GSK3B: variants seen among roughly 807,000 people sequenced by gnomAD.
GSK3B encodes the protein glycogen synthase kinase-3 beta.
A neutral mutation model predicts 56.4 loss-of-function variants in GSK3B; 15 were observed. The observed-to-expected ratio is 0.27, with a 90% CI of 0.18 to 0.41. The LOEUF (loss-of-function observed/expected upper bound fraction) is 0.41. Ranked by LOEUF, GSK3B falls within the 10% of genes least tolerant of loss-of-function variation. The pLI is 1.00. For synonymous variants in GSK3B, 181 were observed against 188.9 expected, an observed-to-expected ratio of 0.96 and a Z score of 0.34; for missense variants, 300 against 513.4, an observed-to-expected ratio of 0.58 and a Z score of 4.02.
rs186255312 is a variant in GSK3B at position 119,879,940 on chromosome 3, A to G, written c.814-3432T>C. 5.0e-4 allele frequency among the ~76,000 whole-genome samples: 76 copies of G among 152,294 alleles called. 1 individual carries two copies. In the East Asian group the frequency reaches 0.011, roughly 22 times the overall value. On this transcript the variant is annotated intron_variant, in intron 7 of 10. Coordinates refer to ENST00000264235, the MANE Select transcript of GSK3B (RefSeq NM_001146156.2). ...TGCTGCAATAAACATAGGAGTGCAG[A>G]TACCTGTTCAATATACTGATTTCCT...
intron 1 of GSK3B, among the ~76,000 whole-genome samples, chr3:120,057,025 G>A (rs1409799304): frequency 6.6e-6 from 1 of 152,032 alleles, no homozygotes; most frequent in African/African-American, 2.4e-5. Context: ...CATGCCTGTG[G>A]TCCCAGCTAC....
chr3:119,890,816 T>C (rs751187074), intron 7 of GSK3B, among the ~76,000 whole-genome samples: 1 of 151,412 alleles, frequency 6.6e-6, no homozygotes, highest in Non-Finnish European at 1.5e-5. Context: ...AGTTTAACCT[T>C]CTTAAATTGC....
chr3:119,947,131 C>T, intron 3 of GSK3B, 137 bp downstream of exon 3: 1 of 607,292 alleles, frequency 1.6e-6, no homozygotes, highest in Non-Finnish European at 2.9e-6. Flanking sequence ...ATACCTTGGG[C>T]TGAGTATTGC....
intron 1 of GSK3B, among the ~76,000 whole-genome samples, chr3:120,006,984 GA>G (rs2057734873): frequency 6.6e-6 from 1 of 151,942 alleles, no homozygotes; most frequent in Admixed American, 6.6e-5. Context: ...TCCAGGAGCT[GA>G]TTTTTTGAAA....
At chr3:120,031,197 TGAAATATTTCTA>T (rs2107521683) in intron 1 of GSK3B, among the ~76,000 whole-genome samples, 1 of 152,354 alleles carries the variant, frequency 6.6e-6, no homozygotes, top group Admixed American at 6.5e-5. Flanking sequence ...CAACACTTCT[TGAAATATTTCTA>T]AAACACATTC....
chr3:119,887,476 T>G (rs1221846586), intron 7 of GSK3B, among the ~76,000 whole-genome samples: 26 of 151,984 alleles, frequency 1.7e-4, no homozygotes, highest in Non-Finnish European at 4.4e-5. Context: ...AAATGGAAAT[T>G]GTACAGTTAA....
At chr3:119,924,334 G>A (rs7620750) in intron 3 of GSK3B, among the ~76,000 whole-genome samples, 43,506 of 152,130 alleles carry the variant, frequency 0.29, 8,003 homozygotes, top group African/African-American at 0.53. Flanking sequence ...TCAAGCATAG[G>A]CTTGGCTACT....
intron 2 of GSK3B, among the ~76,000 whole-genome samples, chr3:119,958,534 T>A (rs1203269677): frequency 1.3e-5 from 2 of 151,864 alleles, no homozygotes; most frequent in East Asian, 1.9e-4. Flanking sequence ...ATAAATTAGC[T>A]GGGCATGGTG....
chr3:119,931,530 C>T (rs2056945731), intron 3 of GSK3B, among the ~76,000 whole-genome samples: 1 of 152,018 alleles, frequency 6.6e-6, no homozygotes, highest in East Asian at 1.9e-4. Flanking sequence ...GCATGAGAAT[C>T]GCTTCAACCC....
intron 3 of GSK3B, among the ~76,000 whole-genome samples, chr3:119,941,750 T>C (rs2057051831): frequency 1.3e-5 from 2 of 152,234 alleles, no homozygotes; most frequent in Admixed American, 1.3e-4. Flanking sequence ...AATGAGCACG[T>C]GATAACCTTA....
At chr3:119,987,554 A>G (rs2057527871) in intron 2 of GSK3B, among the ~76,000 whole-genome samples, 1 of 152,218 alleles carries the variant, frequency 6.6e-6, no homozygotes, top group African/African-American at 2.4e-5. Flanking sequence ...TGGTAAAGTT[A>G]AAGGGGTATC....
intron 1 of GSK3B, among the ~76,000 whole-genome samples, chr3:120,091,888 T>C (rs2058515771): frequency 6.6e-6 from 1 of 152,204 alleles, no homozygotes; most frequent in African/African-American, 2.4e-5. Context: ...CTACCCTGTT[T>C]CAGGCTAGTT....
chr3:120,020,367 T>G (rs1298260636), intron 1 of GSK3B, among the ~76,000 whole-genome samples: 1 of 152,188 alleles, frequency 6.6e-6, no homozygotes, highest in Non-Finnish European at 1.5e-5. Context: ...AGAAATTATG[T>G]TTTTTTACAA....
chr3:120,085,886 T>A (rs977778857), intron 1 of GSK3B, among the ~76,000 whole-genome samples: 8 of 152,150 alleles, frequency 5.3e-5, no homozygotes, highest in Admixed American at 5.2e-4. Context: ...ATACCTTTCC[T>A]TGGAAAAAAA....
chr3:120,086,775 T>C (rs1048811144), intron 1 of GSK3B, among the ~76,000 whole-genome samples: 5 of 151,016 alleles, frequency 3.3e-5, no homozygotes, highest in Admixed American at 6.6e-5. Context: ...AGGCTAGGCA[T>C]AGGCAACACA....
In GSK3B at chr3:119,834,092, C is replaced by T. The variant is rs559965630; in HGVS notation, c.1196-7237G>A. ...TTACGTGTTTCTACTTATCAGGTAT[C>T]CTCTTTCTATAATAGTTAGAAATGT... On this transcript the variant is annotated intron_variant, in intron 10 of 10. Transcript: ENST00000264235. 1.2e-4 allele frequency among the ~76,000 whole-genome samples: 18 copies of T among 152,212 alleles called. No homozygotes were observed. The South Asian group carries it at 3.7e-3, about 32-fold the overall frequency.
chr3:120,016,318 C>G (rs2057826929), intron 1 of GSK3B, among the ~76,000 whole-genome samples: 1 of 152,172 alleles, frequency 6.6e-6, no homozygotes, highest in Non-Finnish European at 1.5e-5. Context: ...GTCCAGCTAC[C>G]ACACTTGAAG....
chr3:119,862,228 C>T (rs1400813337), intron 9 of GSK3B, among the ~76,000 whole-genome samples: 35 of 146,108 alleles, frequency 2.4e-4, no homozygotes, highest in African/African-American at 8.9e-4. Context: ...TTTGTAGGGA[C>T]ATGGATGAAA....
intron 1 of GSK3B, among the ~76,000 whole-genome samples, chr3:120,066,638 T>C (rs1473535864): frequency 2.6e-5 from 4 of 152,238 alleles, no homozygotes; most frequent in Non-Finnish European, 2.9e-5. Context: ...ACAAAATGAA[T>C]GACAGAATAT....
Sources: allele counts gnomAD v4.1 joint callset (sites outside exome capture counted in the v4.1 genomes callset), GRCh38; gene constraint gnomAD v4.1.1; transcripts MANE v1.5; gene names NCBI Gene and HGNC (gene_info 2026-07-23, HGNC 2026-07-21).